Variants in PIP5K1B observed in about 807,000 individuals in gnomAD.
PIP5K1B encodes the protein phosphatidylinositol-4-phosphate 5-kinase type 1 beta, also known as phosphatidylinositol 4-phosphate 5-kinase type-1 beta.
Under a neutral mutation model 67.0 loss-of-function variants are expected in PIP5K1B, and 42 were observed. That is an observed-to-expected ratio of 0.63 (90% confidence interval 0.49 to 0.81). PIP5K1B has a LOEUF of 0.81. Among genes scored for constraint, PIP5K1B ranks in the 30% least tolerant of loss-of-function variants. The probability of loss-of-function intolerance (pLI) is 0.00; values close to 1 mark genes in which losing one functional copy is unlikely to be tolerated. For synonymous variants in PIP5K1B, 214 were observed against 231.4 expected (o/e 0.92, Z 0.68); for missense variants, 459 against 646.3 (o/e 0.71, Z 3.14).
At chr9:69,001,689 G>C in intron 15 of PIP5K1B, among the ~76,000 whole-genome samples, 1 of 152,064 alleles carries the variant, frequency 6.6e-6, no homozygotes, top group Non-Finnish European at 1.5e-5. Flanking sequence ...CAAGGGGGAA[G>C]TCTGCCCCCA....
intron 5 of PIP5K1B, among the ~76,000 whole-genome samples, chr9:68,865,322 A>G (rs1259932498): frequency 6.6e-6 from 1 of 152,160 alleles, no homozygotes; most frequent in Non-Finnish European, 1.5e-5. Context: ...ATGTATATTA[A>G]CTACATGTTT....
chr9:68,816,429 C>CA, intron 2 of PIP5K1B, among the ~76,000 whole-genome samples: 1 of 152,162 alleles, frequency 6.6e-6, no homozygotes, highest in Middle Eastern at 3.4e-3. Flanking sequence ...GCACCCAGCC[C>CA]AATCAACATG....
At chr9:68,891,493 A>T (rs1394960971) in intron 7 of PIP5K1B, among the ~76,000 whole-genome samples, 1 of 151,816 alleles carries the variant, frequency 6.6e-6, no homozygotes, top group Non-Finnish European at 1.5e-5. Flanking sequence ...TACAAGTTGT[A>T]CATTTATCAG....
intron 15 of PIP5K1B, among the ~76,000 whole-genome samples, chr9:69,001,860 C>T (rs1301754648): frequency 6.6e-6 from 1 of 152,226 alleles, no homozygotes; most frequent in Non-Finnish European, 1.5e-5. Flanking sequence ...CACTGCAGAA[C>T]TGTCCACCAG....
intron 2 of PIP5K1B, among the ~76,000 whole-genome samples, chr9:68,796,539 T>TTTCAGA (rs1289038972): frequency 3.9e-5 from 6 of 152,186 alleles, no homozygotes; most frequent in Non-Finnish European, 7.3e-5. Context: ...ATAATCTGCA[T>TTTCAGA]TTCAGATTTT....
chr9:68,759,810 T>C (rs1183199681), intron 2 of PIP5K1B, among the ~76,000 whole-genome samples: 3 of 152,140 alleles, frequency 2.0e-5, no homozygotes, highest in Non-Finnish European at 4.4e-5. Flanking sequence ...GTTTTTTGTG[T>C]ACTGAGTTTT....
At chr9:68,820,230 A>T (rs972840951) in intron 3 of PIP5K1B, among the ~76,000 whole-genome samples, 2 of 152,244 alleles carry the variant, frequency 1.3e-5, no homozygotes, top group African/African-American at 4.8e-5. Flanking sequence ...AGCCTGATAC[A>T]TAAACCATTT....
intron 14 of PIP5K1B, among the ~76,000 whole-genome samples, chr9:68,960,309 A>G (rs574742017): frequency 6.6e-6 from 1 of 152,302 alleles, no homozygotes; most frequent in East Asian, 1.9e-4. Flanking sequence ...CTGAAAGTTT[A>G]AAGATGTCTT....
At chr9:68,889,684 G>A (rs927728290) in intron 7 of PIP5K1B, among the ~76,000 whole-genome samples, 3 of 146,498 alleles carry the variant, frequency 2.0e-5, no homozygotes, top group Middle Eastern at 3.7e-3. Context: ...GCAGTGAATC[G>A]AGATCCCGCC....
chr9:68,833,181 TA>T (rs2132117497), intron 4 of PIP5K1B, among the ~76,000 whole-genome samples: 1 of 152,338 alleles, frequency 6.6e-6, no homozygotes, highest in African/African-American at 2.4e-5. Flanking sequence ...TACTAACTTT[TA>T]AAGTACTATG....
Position 68,719,663 on chromosome 9 carries a change from G to C in PIP5K1B, c.-243+13901G>C, listed in dbSNP as rs75270545. Among the ~76,000 whole-genome samples the C allele has an allele frequency of 5.7e-3, 866 of 152,212 alleles. 4 individuals carry two copies. Among genetic ancestry groups the C allele is most frequent in the Non-Finnish European group, 8.9e-3 (605 of 67,998 alleles). ...AACAAATGGGAAATCAGTCTCTCCT[G>C]CTAAGGGTTAAGAGAGAAACACGAC... On this transcript the variant is annotated intron_variant, in intron 1 of 15. Transcript: ENST00000265382.
intron 1 of PIP5K1B, among the ~76,000 whole-genome samples, chr9:68,737,528 C>G (rs1828798097): frequency 6.6e-6 from 1 of 152,126 alleles, no homozygotes; most frequent in South Asian, 2.1e-4. Flanking sequence ...GAAAGAAAAT[C>G]CAGGTAATTT....
At chr9:68,776,522 C>G (rs1033631039) in intron 2 of PIP5K1B, among the ~76,000 whole-genome samples, 1 of 151,990 alleles carries the variant, frequency 6.6e-6, no homozygotes, top group Non-Finnish European at 1.5e-5. Flanking sequence ...CTTGCCCAGG[C>G]TGGTCATGAA....
chr9:68,958,552 T>C (rs1366444386), intron 14 of PIP5K1B, among the ~76,000 whole-genome samples: 1 of 152,232 alleles, frequency 6.6e-6, no homozygotes, highest in Admixed American at 6.5e-5. Flanking sequence ...TTCATTTTTA[T>C]TGAGACATCC....
intron 2 of PIP5K1B, among the ~76,000 whole-genome samples, chr9:68,805,211 G>A (rs1832803999): frequency 1.3e-5 from 2 of 152,208 alleles, no homozygotes; most frequent in South Asian, 4.1e-4. Flanking sequence ...GAGCATGTGG[G>A]GCGCAGGGGG....
intron 5 of PIP5K1B, among the ~76,000 whole-genome samples, chr9:68,864,748 C>T (rs947514836): frequency 6.7e-6 from 1 of 149,632 alleles, no homozygotes; most frequent in African/African-American, 2.4e-5. Context: ...CCACAAGTGA[C>T]AGGATTTTTC....
chr9:68,767,315 C>T (rs117766333), intron 2 of PIP5K1B, among the ~76,000 whole-genome samples: 2,958 of 152,174 alleles, frequency 0.019, 44 homozygotes, highest in East Asian at 0.058. Flanking sequence ...CAATGCAGTC[C>T]GGGCGCTGTG....
intron 4 of PIP5K1B, among the ~76,000 whole-genome samples, chr9:68,838,988 A>AAAATTTCTTC (rs1374094356): frequency 6.6e-6 from 1 of 152,086 alleles, no homozygotes; most frequent in Non-Finnish European, 1.5e-5. Flanking sequence ...AGAATGTCTT[A>AAAATTTCTTC]AAATTTCTTC....
chr9:68,780,877 G>A, intron 2 of PIP5K1B: 1 of 1,614,228 alleles, frequency 6.2e-7, no homozygotes, highest in South Asian at 1.1e-5. Context: ...CCTGGTGTGT[G>A]TGTATCTTCG....
Sources: gnomAD v4.1 joint callset for allele counts (sites outside exome capture counted in the v4.1 genomes callset) on GRCh38, gnomAD v4.1.1 for gene constraint, MANE v1.5 for transcripts, NCBI Gene and HGNC (gene_info 2026-07-23, HGNC 2026-07-21) for gene names.